The following LINGO2 variants were observed in gnomAD, a reference collection of about 807,000 sequenced individuals.
LINGO2 encodes leucine-rich repeat and immunoglobulin-like domain-containing nogo receptor-interacting protein 2.
In LINGO2, 14 loss-of-function variants were observed where a neutral mutation model predicts 30.6. The ratio of observed to expected loss-of-function variants is 0.46; its 90% CI spans 0.30 to 0.72. The LOEUF (loss-of-function observed/expected upper bound fraction) is 0.72, where lower values mean the gene tolerates loss of function less well. LINGO2 is among the 30% of genes least tolerant of loss of function. The probability of loss-of-function intolerance (pLI) is 0.07; values close to 1 mark genes in which losing one functional copy is unlikely to be tolerated. For missense variants in LINGO2, 729 were observed against 751.7 expected, an observed-to-expected ratio of 0.97 and a Z score of 0.35; for synonymous variants, 317 against 288.5, an observed-to-expected ratio of 1.10 and a Z score of -1.00.
intron 1 of LINGO2, among the ~76,000 whole-genome samples, chr9:28,618,169 CA>C (rs1826225179): frequency 6.6e-6 from 1 of 152,108 alleles, no homozygotes; most frequent in African/African-American, 2.4e-5. Context: ...TAGTGATTTC[CA>C]AATTCACAAG....
At chr9:28,378,019 C>T (rs1425126290) in intron 2 of LINGO2, among the ~76,000 whole-genome samples, 1 of 152,198 alleles carries the variant, frequency 6.6e-6, no homozygotes, top group Non-Finnish European at 1.5e-5. Flanking sequence ...TCTTTTATTT[C>T]ATTCACAACT....
chr9:28,815,082 G>A, the LINGO2 span, among the ~76,000 whole-genome samples: 15 of 152,170 alleles, frequency 9.9e-5, no homozygotes, highest in African/African-American at 2.4e-4. Flanking sequence ...TCTATAGAGA[G>A]GCTGTCTCAA....
the LINGO2 span, among the ~76,000 whole-genome samples, chr9:28,864,544 A>G: frequency 6.6e-6 from 1 of 152,276 alleles, no homozygotes; most frequent in South Asian, 2.1e-4. Context: ...CCAGCCTAGT[A>G]AGCATAATAT....
chr9:28,570,875 G>A (rs1295182633), intron 1 of LINGO2, among the ~76,000 whole-genome samples: 3 of 151,786 alleles, frequency 2.0e-5, no homozygotes, highest in African/African-American at 4.8e-5. Flanking sequence ...GACATGCATT[G>A]TATTCACTAT....
At chr9:28,054,675 G>T (rs1217900290) in intron 4 of LINGO2, among the ~76,000 whole-genome samples, 1 of 152,036 alleles carries the variant, frequency 6.6e-6, no homozygotes, top group African/African-American at 2.4e-5. Context: ...GTCAACAGTT[G>T]CCTCCCCTAA....
intron 3 of LINGO2, among the ~76,000 whole-genome samples, chr9:28,339,563 T>C (rs1295014913): frequency 6.6e-6 from 1 of 152,160 alleles, no homozygotes; most frequent in Non-Finnish European, 1.5e-5. Context: ...GAGGATACTT[T>C]TTAATGTCAA....
At chr9:28,326,397 T>C (rs1825231376) in intron 3 of LINGO2, among the ~76,000 whole-genome samples, 1 of 152,212 alleles carries the variant, frequency 6.6e-6, no homozygotes. Flanking sequence ...CTTGCTCCTC[T>C]ACCCTAACCC....
intron 3 of LINGO2, among the ~76,000 whole-genome samples, chr9:28,301,321 T>C (rs1469318446): frequency 7.9e-5 from 12 of 151,572 alleles, no homozygotes; most frequent in Non-Finnish European, 1.5e-4. Context: ...AGATATAGTA[T>C]AGGTCCCATT....
chr9:28,959,095 A>C, the LINGO2 span, among the ~76,000 whole-genome samples: 1 of 152,084 alleles, frequency 6.6e-6, no homozygotes, highest in East Asian at 1.9e-4. Flanking sequence ...GTCACCCTGC[A>C]TGTACTGCTC....
At chr9:28,355,563 A>G (rs1345083846) in intron 3 of LINGO2, among the ~76,000 whole-genome samples, 1 of 152,040 alleles carries the variant, frequency 6.6e-6, no homozygotes, top group Non-Finnish European at 1.5e-5. Context: ...TCTCAAGGAG[A>G]ACAAGTGAAG....
chr9:29,196,611 T>A, the LINGO2 span, among the ~76,000 whole-genome samples: 1 of 152,052 alleles, frequency 6.6e-6, no homozygotes, highest in Non-Finnish European at 1.5e-5. Flanking sequence ...TGAGCACTCT[T>A]AAGTGTGATC....
At position 28,505,926 on chromosome 9, in the gene LINGO2, C is replaced by T. The variant is rs58694665; in HGVS notation, c.-364-29901G>A. On this transcript the variant is annotated intron_variant, in intron 1 of 5. Transcript: ENST00000379992. Reference sequence around the variant, plus strand: ...AATAACATTTTTCCTATGTTTTAAGCACAAAGGAATTATTATTATGCAAGG... The same window carrying T: ...AATAACATTTTTCCTATGTTTTAAGTACAAAGGAATTATTATTATGCAAGG... 8.6e-4 allele frequency among the ~76,000 whole-genome samples: 130 copies of T among 151,804 alleles called. 1 individual carries two copies. Among genetic ancestry groups the T allele is most frequent in the African/African-American group, 2.7e-3 (112 of 41,468 alleles).
chr9:29,040,529 A>T, the LINGO2 span, among the ~76,000 whole-genome samples: 1 of 151,804 alleles, frequency 6.6e-6, no homozygotes, highest in African/African-American at 2.4e-5. Context: ...GTTCTCTTCA[A>T]GGTATGATAG....
At chr9:28,569,075 C>T (rs555413166) in intron 1 of LINGO2, among the ~76,000 whole-genome samples, 2 of 150,258 alleles carry the variant, frequency 1.3e-5, no homozygotes, top group East Asian at 3.9e-4. Flanking sequence ...GCAAATCAAA[C>T]CGCAATGAGA....
chr9:28,905,075 G>C, the LINGO2 span, among the ~76,000 whole-genome samples: 3 of 151,754 alleles, frequency 2.0e-5, no homozygotes, highest in Non-Finnish European at 4.4e-5. Flanking sequence ...GTGTACACAA[G>C]CAGAAAAAAT....
chr9:28,670,431 T>G (rs997788770), upstream of LINGO2: 1 of 152,164 alleles, frequency 6.6e-6, no homozygotes, highest in African/African-American at 2.4e-5. Context: ...TTTTGTTAAA[T>G]GTGCAATATA....
At chr9:28,865,268 A>G in the LINGO2 span, among the ~76,000 whole-genome samples, 2 of 152,172 alleles carry the variant, frequency 1.3e-5, no homozygotes, top group Admixed American at 1.3e-4. Flanking sequence ...GGACAGAAAA[A>G]TTTGAAGTAA....
chr9:28,492,072 G>A (rs569069235), intron 1 of LINGO2, among the ~76,000 whole-genome samples: 2 of 152,264 alleles, frequency 1.3e-5, no homozygotes, highest in South Asian at 2.1e-4. Flanking sequence ...ACTTAGTGTT[G>A]CCAATAACAT....
the LINGO2 span, among the ~76,000 whole-genome samples, chr9:29,044,356 C>G: frequency 2.0e-5 from 3 of 152,074 alleles, no homozygotes; most frequent in African/African-American, 7.2e-5. Context: ...ATTTTGTATA[C>G]TCTGACATAT....
Sources: gnomAD v4.1 joint callset for allele counts (sites outside exome capture counted in the v4.1 genomes callset) on GRCh38, gnomAD v4.1.1 for gene constraint, MANE v1.5 for transcripts, NCBI Gene and HGNC (gene_info 2026-07-23, HGNC 2026-07-21) for gene names.